Variants in LRP1B observed in about 807,000 individuals in gnomAD.
LRP1B encodes the protein low-density lipoprotein receptor-related protein 1B.
In LRP1B, 217 loss-of-function variants were observed where a neutral mutation model predicts 556.6. That is an observed-to-expected ratio of 0.39 (90% CI 0.35 to 0.44). LRP1B has a LOEUF of 0.44. LRP1B is among the 20% of genes least tolerant of loss of function. The pLI, the probability that LRP1B is intolerant of heterozygous loss-of-function variation, is 1.00. For missense variants in LRP1B, 5,053 were observed against 5,620.8 expected (o/e 0.90, Z 3.23); for synonymous variants, 2,047 against 1,865.8 (o/e 1.10, Z -2.50).
At chr2:141,234,357 A>G (rs1573691187) in intron 5 of LRP1B, among the ~76,000 whole-genome samples, 1 of 152,006 alleles carries the variant, frequency 6.6e-6, no homozygotes, top group Non-Finnish European at 1.5e-5. Flanking sequence ...GTAAAAGGGC[A>G]ATTATTTATT....
chr2:140,233,299 C>A lies in LRP1B; in HGVS notation c.13687G>T (p.Ala4563Ser). The change falls in exon 91 of 91, where the codon GCA (alanine) becomes TCA (serine). Residue 4563 changes from alanine (A) to serine (S), a missense_variant. By Grantham distance (99) the Ala-to-Ser change is moderately conservative (BLOSUM62 1). Transcript: ENST00000389484. ...GPTNYSNPVY[A>S]KLYMDGQNCR... The stretch of plus-strand genomic sequence containing the variant: ...TTTTGCCCATCCATATATAATTTTG[C>A]ATATACCGGATTGGAGTAATTTGTT... The A allele has an allele frequency of 6.2e-7, 1 of 1,601,136 alleles. No individual in the cohort carries two copies. Among genetic ancestry groups the A allele is most frequent in the Non-Finnish European group, 8.5e-7 (1 of 1,172,086 alleles).
rs137890505 is a variant in LRP1B, at chr2:140,232,095, T to A, written c.*1091A>T. On this transcript the variant is annotated 3_prime_UTR_variant, in exon 91 of 91. Transcript: ENST00000389484. ...GGAAGATCATTGTTCTTCTACAACT[T>A]GGAAGGCCCTTGAATATATTTTGGA... 139 of 151,442 alleles carry A rather than the reference T, an allele frequency of 9.2e-4. 1 individual carries two copies. Among genetic ancestry groups the A allele is most frequent in the African/African-American group, 3.2e-3 (133 of 41,450 alleles). 9.4% of individuals were successfully genotyped at this position (151,442 alleles called of 1,614,324 possible). A position where few individuals can be genotyped will look rare whatever the true frequency, so the allele number is the denominator to read the frequency against.
At chr2:141,366,189 C>T (rs1689028953) in intron 3 of LRP1B, among the ~76,000 whole-genome samples, 1 of 152,108 alleles carries the variant, frequency 6.6e-6, no homozygotes, top group African/African-American at 2.4e-5. Context: ...CCTCAATTTT[C>T]CAAGATGGTT....
chr2:140,857,878 G>T (rs1414617163), intron 27 of LRP1B, among the ~76,000 whole-genome samples: 1 of 152,032 alleles, frequency 6.6e-6, no homozygotes, highest in Non-Finnish European at 1.5e-5. Context: ...GTTCTAAAGA[G>T]ATGACATGTC....
At chr2:141,908,726 G>A (rs1486031390) in intron 1 of LRP1B, among the ~76,000 whole-genome samples, 1 of 151,962 alleles carries the variant, frequency 6.6e-6, no homozygotes, top group Non-Finnish European at 1.5e-5. Flanking sequence ...CAAAACATAT[G>A]CTTATTTTTA....
At chr2:140,481,896 T>G (rs1280187004) in intron 59 of LRP1B, among the ~76,000 whole-genome samples, 1 of 152,174 alleles carries the variant, frequency 6.6e-6, no homozygotes, top group Non-Finnish European at 1.5e-5. Context: ...TGTGCCACAC[T>G]CTTCTGTGTG....
intron 1 of LRP1B, among the ~76,000 whole-genome samples, chr2:142,031,330 A>ATTTATTTT: frequency 8.5e-6 from 1 of 117,050 alleles, no homozygotes; most frequent in Non-Finnish European, 1.8e-5. Flanking sequence ...GATTATACTT[A>ATTTATTTT]TTTTTTTTTT....
rs148045904 is a variant in LRP1B, at chr2:140,546,000, TTGTGTGTG to T, written c.7195-4037_7195-4030del. ...CTCACTGGTTAGCTGTATTATTAGGTTGTGTGTGTGTGTGTGTGTGTGTGTGTGTGTGT... is the reference window on the plus strand; with the variant it reads ...CTCACTGGTTAGCTGTATTATTAGGTTGTGTGTGTGTGTGTGTGTGTGTGT... On this transcript the variant is annotated intron_variant, in intron 43 of 90. Transcript: ENST00000389484. 8.8e-3 allele frequency among the ~76,000 whole-genome samples: 1,249 copies of T among 142,694 alleles called. 16 individuals are homozygous for T. The highest frequency in any genetic ancestry group is 0.011 in the Non-Finnish European group (697 of 65,552). The allele number at this position is 142,694 out of a possible 152,430, so 93.6% of individuals were successfully genotyped here.
At chr2:141,386,491 A>G (rs2104897081) in intron 3 of LRP1B, among the ~76,000 whole-genome samples, 1 of 152,230 alleles carries the variant, frequency 6.6e-6, no homozygotes, top group East Asian at 1.9e-4. Context: ...TTTATATGCA[A>G]AGACACACAT....
intron 3 of LRP1B, among the ~76,000 whole-genome samples, chr2:141,436,959 C>G (rs1439039958): frequency 6.6e-6 from 1 of 152,104 alleles, no homozygotes; most frequent in East Asian, 1.9e-4. Flanking sequence ...CTGGCTTTCC[C>G]ATCTTGGCAC....
chr2:140,557,548 G>A (rs1680777815), intron 43 of LRP1B, among the ~76,000 whole-genome samples: 1 of 151,920 alleles, frequency 6.6e-6, no homozygotes, highest in South Asian at 2.1e-4. Context: ...TGCCCTATAT[G>A]GCCTGACCCC....
intron 3 of LRP1B, among the ~76,000 whole-genome samples, chr2:141,394,397 G>C (rs1010623052): frequency 1.3e-5 from 2 of 151,906 alleles, no homozygotes; most frequent in Non-Finnish European, 1.5e-5. Context: ...AACCTGCTTC[G>C]ATAGTAAACC....
intron 1 of LRP1B, among the ~76,000 whole-genome samples, chr2:141,958,063 C>G (rs1199127600): frequency 6.6e-6 from 1 of 152,012 alleles, no homozygotes; most frequent in Non-Finnish European, 1.5e-5. Flanking sequence ...TCATGAGATT[C>G]AGGATTACTG....
intron 2 of LRP1B, among the ~76,000 whole-genome samples, chr2:141,564,907 T>G (rs547815848): frequency 2.3e-4 from 35 of 151,968 alleles, no homozygotes; most frequent in African/African-American, 8.2e-4. Flanking sequence ...GCAATAAAGA[T>G]GTAATAATAA....
intron 34 of LRP1B, 128 bp from the exon 35 acceptor site, chr2:140,769,472 TA>T: frequency 2.0e-6 from 2 of 977,828 alleles, no homozygotes; most frequent in Non-Finnish European, 2.8e-6. Context: ...CCTGGCCTTT[TA>T]AAAAAATTAT....
intron 1 of LRP1B, among the ~76,000 whole-genome samples, chr2:141,905,160 T>C (rs1340801525): frequency 2.0e-5 from 3 of 151,610 alleles, no homozygotes; most frequent in African/African-American, 7.3e-5. Context: ...CTCCGCAGAG[T>C]TAGGAATTGG....
chr2:141,267,560 G>C (rs1380072612), intron 3 of LRP1B, among the ~76,000 whole-genome samples: 1 of 152,070 alleles, frequency 6.6e-6, no homozygotes, highest in East Asian at 1.9e-4. Context: ...TGCAGTAAGG[G>C]TGACATACTA....
intron 41 of LRP1B, among the ~76,000 whole-genome samples, chr2:140,667,184 G>C (rs1202164542): frequency 6.6e-6 from 1 of 152,090 alleles, no homozygotes; most frequent in East Asian, 1.9e-4. Flanking sequence ...CTCCATGCCT[G>C]GGACAGAGCA....
At chr2:140,236,811 T>TA (rs1299082240) in intron 89 of LRP1B, among the ~76,000 whole-genome samples, 2 of 150,956 alleles carry the variant, frequency 1.3e-5, no homozygotes, top group Non-Finnish European at 3.0e-5. Context: ...CTTTTATATT[T>TA]AAAAAATACA....
Sources: allele counts gnomAD v4.1 joint callset (sites outside exome capture counted in the v4.1 genomes callset), GRCh38; gene constraint gnomAD v4.1.1; transcripts MANE v1.5; gene names NCBI Gene and HGNC (gene_info 2026-07-23, HGNC 2026-07-21).